The following ZNF3 variants were observed in gnomAD, a reference collection of about 807,000 sequenced individuals.
ZNF3 encodes C2-H2 type zinc finger protein.
ZNF3 carries 16 observed loss-of-function variants against 36.9 expected under a neutral mutation model. That is an observed-to-expected ratio of 0.43 (90% CI 0.29 to 0.66). ZNF3 has a LOEUF of 0.66. Among genes scored for constraint, ZNF3 ranks in the 30% least tolerant of loss-of-function variants. The probability of loss-of-function intolerance (pLI) is 0.13; values close to 1 mark genes in which losing one functional copy is unlikely to be tolerated. For synonymous variants in ZNF3, 201 were observed against 201.9 expected, an observed-to-expected ratio of 1.00 and a Z score of 0.04; for missense variants, 462 against 543.1, an observed-to-expected ratio of 0.85 and a Z score of 1.48.
exon 6 of ZNF3, chr7:100,064,246 C>T: frequency 6.2e-7 from 1 of 1,614,076 alleles, no homozygotes; most frequent in Non-Finnish European, 8.5e-7. Context: ...TCTTAAACAT[C>T]AGAGAATGCA....
chr7:100,078,956 G>T (rs934635556), intron 2 of ZNF3: 3 of 152,184 alleles, frequency 2.0e-5, no homozygotes, highest in African/African-American at 7.2e-5. Flanking sequence ...AAGGAAGAGG[G>T]GTCCTGTTTG....
intron 5 of ZNF3, 138 bp from the exon 6 acceptor site, chr7:100,072,350 G>T (rs1032129942): frequency 2.5e-6 from 2 of 794,200 alleles, no homozygotes; most frequent in Non-Finnish European, 3.9e-6. Context: ...CATGTGTGCG[G>T]CTAAGGCAAA....
intron 3 of ZNF3, 58 bp from the exon 4 acceptor site, chr7:100,075,688 T>TGCTGACTTCCCAACCC: frequency 6.4e-7 from 1 of 1,556,542 alleles, no homozygotes; most frequent in East Asian, 2.3e-5. Context: ...CCTCCCAACC[T>TGCTGACTTCCCAACCC]GCTGACTTCC....
chr7:100,080,729 C>G (rs1794862952), intron 1 of ZNF3, among the ~76,000 whole-genome samples: 1 of 152,138 alleles, frequency 6.6e-6, no homozygotes, highest in African/African-American at 2.4e-5. Flanking sequence ...AGGAGAAGCG[C>G]TTGAACCGGG....
chr7:100,064,563 G>A, exon 6 of ZNF3: 1 of 1,614,210 alleles, frequency 6.2e-7, no homozygotes, highest in East Asian at 2.2e-5. Flanking sequence ...TCTGTAGCAA[G>A]TCCAATCTTT....
At chr7:100,064,482 C>T in exon 6 of ZNF3, 1 of 1,613,872 alleles carries the variant, frequency 6.2e-7, no homozygotes, top group Non-Finnish European at 8.5e-7. Context: ...ACCACAGCTC[C>T]AACTTCAATA....
exon 6 of ZNF3, chr7:100,064,777 G>T (rs1792554940): frequency 1.9e-6 from 3 of 1,614,172 alleles, no homozygotes; most frequent in Middle Eastern, 3.3e-4. Context: ...AACATGGCAG[G>T]CAGGAGGTCC....
chr7:100,064,081 A>G (rs1303126610), exon 6 of ZNF3: 3 of 1,614,178 alleles, frequency 1.9e-6, no homozygotes, highest in Non-Finnish European at 2.5e-6. Context: ...CACCAAACAC[A>G]GGAGAACACA....
chr7:100,075,250 G>T lies in ZNF3; in HGVS notation c.156C>A (p.Thr52=), dbSNP rs1793884109. ...LLKAKSQELV[T]FEDVAVYFIR... Reference sequence around the variant, plus strand: ...TGAAGTACACAGCTACATCCTCAAAGGTTACCAGCTCCTGAAACAACACGT... The same window carrying T: ...TGAAGTACACAGCTACATCCTCAAATGTTACCAGCTCCTGAAACAACACGT... Residue 52 remains threonine, a synonymous_variant, in exon 5 of 6, where the codon ACC becomes ACA. Transcript: ENST00000299667. 6.2e-7 allele frequency: 1 copy of T among 1,614,016 alleles called. No individual in the cohort carries two copies. Among genetic ancestry groups the T allele is most frequent in the South Asian group, 1.1e-5 (1 of 91,078 alleles).
chr7:100,070,553 A>C lies in ZNF3; in HGVS notation c.*590T>G. The C allele has an allele frequency of 1.0e-6, 1 of 985,658 alleles. No individual in the cohort carries two copies. The highest frequency in any genetic ancestry group is 1.2e-6 in the Non-Finnish European group (1 of 830,134). The allele number at this position is 985,658 out of a possible 1,614,324, so 61.1% of individuals were successfully genotyped here. On this transcript the variant is annotated 3_prime_UTR_variant, in exon 6 of 6. Transcript: ENST00000299667. ...CTTGGAAACATGGTCTGGCTGCTCCAAGAGCCCTAAAGGACACCATCATCA... is the reference window on the plus strand; with the variant it reads ...CTTGGAAACATGGTCTGGCTGCTCCCAGAGCCCTAAAGGACACCATCATCA...
At chr7:100,066,630 C>T (rs533114312), downstream of ZNF3, among the ~76,000 whole-genome samples, 9 of 150,216 alleles carry the variant, frequency 6.0e-5, no homozygotes, top group South Asian at 2.1e-4. Context: ...CCAGCTACTC[C>T]GGAGGCTGAG....
In ZNF3 at chr7:100,077,311, A is replaced by G; in HGVS notation, c.47T>C (p.Leu16Pro). 6.2e-7 allele frequency: 1 copy of G among 1,614,056 alleles called. No individual in the cohort carries two copies. Among genetic ancestry groups the G allele is most frequent in the Non-Finnish European group, 8.5e-7 (1 of 1,179,992 alleles). The change falls in exon 3 of 6, where the codon CTT becomes CCT. Residue 16 changes from leucine (L) to proline (P), a missense_variant. Transcript: ENST00000299667. ...DLVSQEPQAL[L>P]DSALPSKVPA... is the part of the protein sequence containing the mutation. ...GAGTCCTTATTCCTCACCACTGTCA[A>G]GCAGGGCCTGAGGTTCCTGAGATAC...
In ZNF3 at chr7:100,075,634, A is replaced by G; in HGVS notation, c.56-4T>C. Reference sequence around the variant, plus strand: ...GCAGGAACTTTTGAAGGAAGAGCTGAAGGGCAATAAAAGGGCCCAGGAATG... The same window carrying G: ...GCAGGAACTTTTGAAGGAAGAGCTGGAGGGCAATAAAAGGGCCCAGGAATG... On this transcript the variant is annotated splice_region_variant and splice_polypyrimidine_tract_variant and intron_variant, in intron 3 of 5. Transcript: ENST00000299667. 1 of 1,613,942 alleles carries G rather than the reference A, an allele frequency of 6.2e-7. No homozygotes were observed. The highest frequency in any genetic ancestry group is 8.5e-7 in the Non-Finnish European group (1 of 1,179,906).
chr7:100,075,271 C>T lies in ZNF3; in HGVS notation c.145-10G>A, dbSNP rs774800069. 3.7e-6 allele frequency: 6 copies of T among 1,614,062 alleles called. No homozygotes were observed. In the East Asian group the frequency reaches 1.1e-4, roughly 30 times the overall value. On this transcript the variant is annotated splice_polypyrimidine_tract_variant and intron_variant, in intron 4 of 5. Transcript: ENST00000299667. ...CAAAGGTTACCAGCTCCTGAAACAA[C>T]ACGTGCTGGCATGCAATTTCAGGGT...
chr7:100,071,126 A>G lies in ZNF3; in HGVS notation c.*17T>C. 2 of 1,555,510 alleles carry G rather than the reference A, an allele frequency of 1.3e-6. No homozygotes were observed. Among genetic ancestry groups the G allele is most frequent in the Non-Finnish European group, 1.7e-6 (2 of 1,151,986 alleles). On this transcript the variant is annotated 3_prime_UTR_variant, in exon 6 of 6. Coordinates refer to ENST00000299667, the MANE Select transcript of ZNF3 (RefSeq NM_032924.5). ...TTGAGACTCAGGGAAAGTGAGGAAA[A>G]TGGGTGTGTGGCTCTTTCACGTGGA...
chr7:100,064,091 A>G, exon 6 of ZNF3: 1 of 1,614,196 alleles, frequency 6.2e-7, no homozygotes, highest in South Asian at 1.1e-5. Flanking sequence ...AGGAGAACAC[A>G]CACTGGGGAG....
intron 4 of ZNF3, 99 bp from the exon 5 acceptor site, chr7:100,075,360 A>AAGGGAGGAAGGG: frequency 6.3e-7 from 1 of 1,590,596 alleles, no homozygotes; most frequent in South Asian, 1.1e-5. Context: ...CACATTTGGG[A>AAGGGAGGAAGGG]AGGGAGGAAG....
rs200623089 is a variant in ZNF3, at chr7:100,072,198, T to C, written c.286A>G (p.Thr96Ala). ...TCAGAAATTTCTTGATCATTTTCAG[T>C]CCTGGTCTCACGATCTGACACAATA... The part of the protein sequence containing the change: ...NVFSLDRETR[T>A]ENDQEISEDT... Residue 96 changes from threonine to alanine, a missense_variant, in exon 6 of 6, where the codon ACT (threonine) becomes GCT (alanine). Coordinates refer to ENST00000299667, the MANE Select transcript of ZNF3 (RefSeq NM_032924.5). The C allele has an allele frequency of 6.2e-5, 99 of 1,587,204 alleles. No individual in the cohort carries two copies. Among genetic ancestry groups the C allele is most frequent in the Non-Finnish European group, 8.3e-5 (97 of 1,171,430 alleles).
chr7:100,067,050 C>T (rs759263087), downstream of ZNF3, among the ~76,000 whole-genome samples: 2 of 151,750 alleles, frequency 1.3e-5, no homozygotes. Flanking sequence ...AAAAAAATCA[C>T]CCTAGTTGCC....
Sources: allele counts gnomAD v4.1 joint callset (sites outside exome capture counted in the v4.1 genomes callset), GRCh38; gene constraint gnomAD v4.1.1; transcripts MANE v1.5; gene names NCBI Gene and HGNC (gene_info 2026-07-23, HGNC 2026-07-21).